KIRREL3: variants seen among roughly 807,000 people sequenced by gnomAD.
The protein encoded by KIRREL3 is kin of IRRE-like protein 3.
Under a neutral mutation model 89.7 loss-of-function variants are expected in KIRREL3, and 36 were observed. That is an observed-to-expected ratio of 0.40 (90% CI 0.31 to 0.53). KIRREL3 has a LOEUF of 0.53. KIRREL3 is among the 20% of genes least tolerant of loss of function. The pLI is 0.49. For missense variants in KIRREL3, 864 were observed against 1,056.6 expected, an observed-to-expected ratio of 0.82 and a Z score of 2.53; for synonymous variants, 445 against 441.4, an observed-to-expected ratio of 1.01 and a Z score of -0.10.
At chr11:126,567,605 G>A (rs1940607134) in intron 1 of KIRREL3, among the ~76,000 whole-genome samples, 1 of 152,226 alleles carries the variant, frequency 6.6e-6, no homozygotes, top group Admixed American at 6.5e-5. Context: ...TGCCTGCAGG[G>A]AGCAGCATCA....
intron 16 of KIRREL3, 104 bp downstream of exon 16, chr11:126,425,534 C>A: frequency 9.2e-7 from 1 of 1,082,778 alleles, no homozygotes; most frequent in Non-Finnish European, 1.4e-6. Context: ...CTGACCTTTT[C>A]TTCTCTGACT....
intron 1 of KIRREL3, among the ~76,000 whole-genome samples, chr11:126,675,316 C>T (rs1482081539): frequency 6.6e-6 from 1 of 152,188 alleles, no homozygotes; most frequent in African/African-American, 2.4e-5. Context: ...ACCTAATGGG[C>T]TGGGTCTTTC....
chr11:126,753,043 C>T (rs112420168), intron 1 of KIRREL3, among the ~76,000 whole-genome samples: 8 of 152,278 alleles, frequency 5.3e-5, no homozygotes, highest in African/African-American at 1.9e-4. Flanking sequence ...GACATAAGCC[C>T]TCCACAAATA....
rs1265816358 is a variant in KIRREL3 at position 126,570,719 on chromosome 11, A to G, written c.56-7807T>C. ...TATCCCCCATGCGGCCAAGGCAGGC[A>G]TTATCAGCAACTCCTCACCACCAGC... On this transcript the variant is annotated intron_variant, in intron 1 of 16. Coordinates refer to ENST00000525144, the MANE Select transcript of KIRREL3 (RefSeq NM_032531.4). The surrounding 1 kb of genome is among the most constrained non-coding windows in gnomAD (Gnocchi z 6.1). Among the ~76,000 whole-genome samples the G allele has an allele frequency of 2.0e-5, 3 of 152,222 alleles. No homozygotes were observed. The highest frequency in any genetic ancestry group is 1.3e-4 in the Admixed American group (2 of 15,280).
In KIRREL3 at chr11:126,476,781, C is replaced by T. The variant is rs1435768312; in HGVS notation, c.434-3315G>A. 6.6e-6 allele frequency among the ~76,000 whole-genome samples: 1 copy of T among 152,140 alleles called. No homozygotes were observed. Among genetic ancestry groups the T allele is most frequent in the African/African-American group, 2.4e-5 (1 of 41,420 alleles). ...CGTGGAAGGGGGCTCCTCATTACCT[C>T]CCCATTCAGACTCGGCCAGGCTGGG... On this transcript the variant is annotated intron_variant, in intron 4 of 16. Coordinates refer to ENST00000525144, the MANE Select transcript of KIRREL3 (RefSeq NM_032531.4). This position sits in a 1 kb window ranked among gnomAD's most constrained non-coding sequence, Gnocchi z 6.4.
chr11:126,852,011 T>C (rs1944353970), intron 1 of KIRREL3, among the ~76,000 whole-genome samples: 1 of 151,004 alleles, frequency 6.6e-6, no homozygotes. Flanking sequence ...TTGCCACTCT[T>C]CCATGAGCAC....
Position 126,457,108 on chromosome 11 carries a change from A to C in KIRREL3, c.743-654T>G, listed in dbSNP as rs923885075. ...ACAAGAACCAGAGACACACAGAGAC[A>C]CACAGAAGGGACCGGAGGCCGACAG... On this transcript the variant is annotated intron_variant, in intron 6 of 16. Transcript: ENST00000525144. Among the ~76,000 whole-genome samples, 4 of 152,166 alleles carry C rather than the reference A, an allele frequency of 2.6e-5. No homozygotes were observed. In the South Asian group the frequency reaches 8.3e-4, roughly 32 times the overall value.
chr11:126,971,150 T>A (rs1303855130), intron 1 of KIRREL3, among the ~76,000 whole-genome samples: 1 of 152,206 alleles, frequency 6.6e-6, no homozygotes, highest in Admixed American at 6.5e-5. Context: ...AAGTATTATC[T>A]ACATTTCTGA....
At position 126,985,306 on chromosome 11, in the gene KIRREL3, G is replaced by A. The variant is rs909809249; in HGVS notation, c.55+15149C>T. Among the ~76,000 whole-genome samples, 6 of 152,066 alleles carry A rather than the reference G, an allele frequency of 3.9e-5. No homozygotes were observed. The highest frequency in any genetic ancestry group is 2.1e-4 in the South Asian group (1 of 4,820). The stretch of plus-strand genomic sequence containing the variant: ...AAATACTGATTGTATCTGACTCTGC[G>A]CCCAAGTCCAACAAAGCCACTGCAC... On this transcript the variant is annotated intron_variant, in intron 1 of 16. Coordinates refer to ENST00000525144, the MANE Select transcript of KIRREL3 (RefSeq NM_032531.4). This position sits in a 1 kb window ranked among gnomAD's most constrained non-coding sequence, Gnocchi z 5.3.
At chr11:126,701,720 T>C (rs1282688698) in intron 1 of KIRREL3, among the ~76,000 whole-genome samples, 1 of 152,048 alleles carries the variant, frequency 6.6e-6, no homozygotes, top group Non-Finnish European at 1.5e-5. Flanking sequence ...GGGCAGCACC[T>C]GGGCGGAGTT....
rs544902948 is a variant in KIRREL3, at chr11:126,839,224, A to G, written c.55+161231T>C. ...ATGTATTGATCATGTACAACAGACC[A>G]TAGTCAAGGTTGGGTGCAGCAATAC... On this transcript the variant is annotated intron_variant, in intron 1 of 16. Coordinates refer to ENST00000525144, the MANE Select transcript of KIRREL3 (RefSeq NM_032531.4). 3.9e-5 allele frequency among the ~76,000 whole-genome samples: 6 copies of G among 152,322 alleles called. No homozygotes were observed. In the South Asian group the frequency reaches 6.2e-4, roughly 16 times the overall value.
chr11:126,545,640 T>TAAAATA (rs367868978), intron 2 of KIRREL3, among the ~76,000 whole-genome samples: 1 of 119,610 alleles, frequency 8.4e-6, no homozygotes, highest in African/African-American at 3.5e-5. Flanking sequence ...TAAAATAAAA[T>TAAAATA]AAATAAAATA....
chr11:126,982,350 A>C (rs1949744059), intron 1 of KIRREL3, among the ~76,000 whole-genome samples: 1 of 152,218 alleles, frequency 6.6e-6, no homozygotes, highest in Admixed American at 6.5e-5. Context: ...GCCTGGGCAC[A>C]TTGGCCTTCA....
chr11:126,504,410 GA>G (rs937328651), intron 4 of KIRREL3, among the ~76,000 whole-genome samples: 5 of 152,128 alleles, frequency 3.3e-5, no homozygotes, highest in Non-Finnish European at 5.9e-5. Flanking sequence ...TCTTCAAATA[GA>G]AATTTGGCTC....
rs1307920068 is a variant in KIRREL3 at position 126,525,402 on chromosome 11, A to G, written c.283+1136T>C. 6.6e-6 allele frequency among the ~76,000 whole-genome samples: 1 copy of G among 152,214 alleles called. No individual in the cohort carries two copies. The highest frequency in any genetic ancestry group is 1.5e-5 in the Non-Finnish European group (1 of 68,040). On this transcript the variant is annotated intron_variant, in intron 3 of 16. Coordinates refer to ENST00000525144, the MANE Select transcript of KIRREL3 (RefSeq NM_032531.4). The surrounding 1 kb of genome is among the most constrained non-coding windows in gnomAD (Gnocchi z 5.4). ...TAACAGTTAAACTTTATGGCAGCAC[A>G]GTATATTTTGGAGATGTTTTTGTGT...
At chr11:126,465,884 A>ACT (rs1956706566) in intron 5 of KIRREL3, among the ~76,000 whole-genome samples, 1 of 151,944 alleles carries the variant, frequency 6.6e-6, no homozygotes, top group Non-Finnish European at 1.5e-5. Flanking sequence ...CCAAGTGATA[A>ACT]TAAGAACAAT....
rs766801291 is a variant in KIRREL3 at position 126,776,753 on chromosome 11, C to T, written c.56-213841G>A. On this transcript the variant is annotated intron_variant, in intron 1 of 16. Transcript: ENST00000525144. The surrounding 1 kb of genome is among the most constrained non-coding windows in gnomAD (Gnocchi z 4.7). The stretch of plus-strand genomic sequence containing the variant: ...AACACCAACACCACTTCTTCTTTCA[C>T]CAAGTCCTCTCCCTGCTGCTCTTTC... Among the ~76,000 whole-genome samples the T allele has an allele frequency of 6.6e-6, 1 of 152,192 alleles. No homozygotes were observed. Among genetic ancestry groups the T allele is most frequent in the Non-Finnish European group, 1.5e-5 (1 of 68,040 alleles).
chr11:126,522,905 A>G lies in KIRREL3; in HGVS notation c.284-1441T>C, dbSNP rs987012843. Among the ~76,000 whole-genome samples the G allele has an allele frequency of 6.6e-5, 10 of 152,356 alleles. No individual in the cohort carries two copies. The highest frequency in any genetic ancestry group is 1.3e-4 in the Non-Finnish European group (9 of 68,036). ...CCCTCACCACACAGGGAGTGTTCTC[A>G]GACGGGTGCTGTAGGAGGATGAGAC... On this transcript the variant is annotated intron_variant, in intron 3 of 16. Transcript: ENST00000525144. This position sits in a 1 kb window ranked among gnomAD's most constrained non-coding sequence, Gnocchi z 6.0.
intron 1 of KIRREL3, among the ~76,000 whole-genome samples, chr11:126,974,467 T>C (rs1194030144): frequency 6.9e-6 from 1 of 145,038 alleles, no homozygotes; most frequent in Non-Finnish European, 1.5e-5. Flanking sequence ...GGCTACATGG[T>C]ATAGCCCGTT....
Sources: allele counts gnomAD v4.1 joint callset (sites outside exome capture counted in the v4.1 genomes callset), GRCh38; gene constraint gnomAD v4.1.1; non-coding constraint Gnocchi (gnomAD v3.1); transcripts MANE v1.5; gene names NCBI Gene and HGNC (gene_info 2026-07-23, HGNC 2026-07-21).